Variants in LATS2 observed in about 807,000 individuals in gnomAD.
LATS2 encodes large tumor suppressor kinase 2, also known as serine/threonine-protein kinase LATS2.
A neutral mutation model predicts 76.0 loss-of-function variants in LATS2; 24 were observed. The ratio of observed to expected loss-of-function variants is 0.32; its 90% CI spans 0.23 to 0.44. The LOEUF (loss-of-function observed/expected upper bound fraction) is 0.44, where lower values mean the gene tolerates loss of function less well. LATS2 is among the 20% of genes least tolerant of loss of function. The pLI is 1.00. For synonymous variants in LATS2, 692 were observed against 635.4 expected (o/e 1.09, Z -1.34); for missense variants, 1,286 against 1,481.2 (o/e 0.87, Z 2.16).
chr13:20,993,182 T>G lies in LATS2; in HGVS notation c.343-1778A>C, dbSNP rs1471420792. 2.0e-5 allele frequency among the ~76,000 whole-genome samples: 3 copies of G among 151,850 alleles called. No homozygotes were observed. The East Asian group carries it at 5.8e-4, about 29-fold the overall frequency. On this transcript the variant is annotated intron_variant, in intron 2 of 7. Coordinates refer to ENST00000382592, the MANE Select transcript of LATS2 (RefSeq NM_014572.3). ...CCGCAGAGAGAGATGCAGCACTGAG[T>G]GTCCCCCACCTCTGGATAGGGCATT...
chr13:21,041,969 C>T (rs866424790), intron 2 of LATS2, among the ~76,000 whole-genome samples: 3 of 152,162 alleles, frequency 2.0e-5, no homozygotes, highest in South Asian at 2.1e-4. Flanking sequence ...CCCAGGCTTC[C>T]GCAGAACAGA....
Position 20,991,505 on chromosome 13 carries a change from G to A in LATS2, c.343-101C>T, listed in dbSNP as rs777392012. Reference sequence around the variant, plus strand: ...GTGCTGGACTGTGCTGGGACACTTCGCCTCTGTACTGCTGAGAACCTGCGA... The same window carrying A: ...GTGCTGGACTGTGCTGGGACACTTCACCTCTGTACTGCTGAGAACCTGCGA... On this transcript the variant is annotated intron_variant, in intron 2 of 7. Coordinates refer to ENST00000382592, the MANE Select transcript of LATS2 (RefSeq NM_014572.3). The surrounding 1 kb of genome is among the most constrained non-coding windows in gnomAD (Gnocchi z 4.9). The A allele has an allele frequency of 2.1e-5, 29 of 1,350,536 alleles. No homozygotes were observed. Among genetic ancestry groups the A allele is most frequent in the Non-Finnish European group, 2.6e-5 (25 of 966,840 alleles). 83.7% of individuals were successfully genotyped at this position (1,350,536 alleles called of 1,614,324 possible).
chr13:21,021,476 A>G (rs1331658234), intron 2 of LATS2, among the ~76,000 whole-genome samples: 1 of 106,372 alleles, frequency 9.4e-6, no homozygotes, highest in Non-Finnish European at 1.7e-5. Context: ...CTCTGTCTCA[A>G]AAAAAAAAAA....
chr13:21,032,923 A>C (rs974059189), intron 2 of LATS2, among the ~76,000 whole-genome samples: 1 of 152,098 alleles, frequency 6.6e-6, no homozygotes, highest in Non-Finnish European at 1.5e-5. Flanking sequence ...GTGGCAGGGG[A>C]GGTGCAGAGG....
At chr13:20,987,602 A>G (rs1422656063) in intron 4 of LATS2, among the ~76,000 whole-genome samples, 1 of 152,196 alleles carries the variant, frequency 6.6e-6, no homozygotes, top group Non-Finnish European at 1.5e-5. Context: ...TTAATTTGCT[A>G]ATTTACCTAC....
Position 20,975,193 on chromosome 13 carries a change from T to C in LATS2, c.2944A>G (p.Ile982Val). ...FFSAIDFSSD[I>V]RKQPAPYVPT... The stretch of plus-strand genomic sequence containing the variant: ...ACGTAGGGGGCTGGCTGCTTCCGGA[T>C]GTCACTGGAGAAGTCAATGGCGCTG... Residue 982 changes from isoleucine (I) to valine (V), a missense_variant, in exon 8 of 8, where the codon ATC (isoleucine) becomes GTC (valine). Coordinates refer to ENST00000382592, the MANE Select transcript of LATS2 (RefSeq NM_014572.3). 1 of 1,614,190 alleles carries C rather than the reference T, an allele frequency of 6.2e-7. No homozygotes were observed. Among genetic ancestry groups the C allele is most frequent in the Non-Finnish European group, 8.5e-7 (1 of 1,180,028 alleles).
At position 20,988,880 on chromosome 13, in the gene LATS2, G is replaced by A. The variant is rs762614289; in HGVS notation, c.900C>T (p.Ala300=). The change falls in exon 4 of 8, where the codon GCC becomes GCT. Residue 300 remains alanine (A), a synonymous_variant. Coordinates refer to ENST00000382592, the MANE Select transcript of LATS2 (RefSeq NM_014572.3). Reference sequence around the variant, plus strand: ...CGGCAGGGGGTGGGAAAGCGAGGCCGGCGCCTGGCGGTCCTCCCTGGCCCT... The same window carrying A: ...CGGCAGGGGGTGGGAAAGCGAGGCCAGCGCCTGGCGGTCCTCCCTGGCCCT... ...PTKGQGGPPG[A]GLAFPPPAAG... 1.2e-5 allele frequency: 18 copies of A among 1,553,738 alleles called. No individual in the cohort carries two copies. The highest frequency in any genetic ancestry group is 1.9e-5 in the Admixed American group (1 of 52,410).
At chr13:21,026,724 G>A (rs562373227) in intron 2 of LATS2, among the ~76,000 whole-genome samples, 2 of 152,268 alleles carry the variant, frequency 1.3e-5, no homozygotes, top group South Asian at 2.1e-4. Flanking sequence ...GGAAGACAGA[G>A]GCAAGAGGAT....
Position 20,991,138 on chromosome 13 carries a change from G to C in LATS2, c.475+134C>G. The C allele has an allele frequency of 1.7e-6, 2 of 1,151,162 alleles. No individual in the cohort carries two copies. The allele number at this position is 1,151,162 out of a possible 1,614,324, so 71.3% of individuals were successfully genotyped here. On this transcript the variant is annotated intron_variant, in intron 3 of 7. Transcript: ENST00000382592. The surrounding 1 kb of genome is among the most constrained non-coding windows in gnomAD (Gnocchi z 4.9). ...AGGGCAGGGCAGGCTCAGCTTGCCTGTTAACTGAATGAGGCAATGTGCCAG... is the reference window on the plus strand; with the variant it reads ...AGGGCAGGGCAGGCTCAGCTTGCCTCTTAACTGAATGAGGCAATGTGCCAG...
intron 2 of LATS2, among the ~76,000 whole-genome samples, chr13:20,994,933 T>C (rs2138304235): frequency 6.6e-6 from 1 of 152,128 alleles, no homozygotes. Context: ...TTATCTAGAA[T>C]CGTAGGTGGC....
At chr13:20,996,864 T>C (rs987159960) in intron 2 of LATS2, among the ~76,000 whole-genome samples, 1 of 152,246 alleles carries the variant, frequency 6.6e-6, no homozygotes, top group Non-Finnish European at 1.5e-5. Context: ...CTCTGGGCTA[T>C]TCTTGCAGAT....
intron 2 of LATS2, among the ~76,000 whole-genome samples, chr13:21,040,803 A>G (rs1404420133): frequency 6.6e-6 from 1 of 152,124 alleles, no homozygotes. Context: ...AGGGACCCTG[A>G]TAAACTCCAT....
chr13:21,032,046 C>T (rs1002814705), intron 2 of LATS2, among the ~76,000 whole-genome samples: 5 of 152,166 alleles, frequency 3.3e-5, no homozygotes, highest in African/African-American at 9.7e-5. Context: ...ACATCTGGTT[C>T]CTCCTGGTGC....
chr13:21,006,891 A>G (rs1323205404), intron 2 of LATS2, among the ~76,000 whole-genome samples: 2 of 152,186 alleles, frequency 1.3e-5, no homozygotes, highest in African/African-American at 2.4e-5. Context: ...TGCCCAGGGA[A>G]AGGGACATTT....
chr13:21,004,327 G>A (rs533153455), intron 2 of LATS2, among the ~76,000 whole-genome samples: 5 of 152,106 alleles, frequency 3.3e-5, no homozygotes, highest in East Asian at 1.9e-4. Context: ...CCAGCTACTC[G>A]GGAGGCTGAG....
chr13:21,028,170 A>G (rs1026284724), intron 2 of LATS2, among the ~76,000 whole-genome samples: 1 of 152,080 alleles, frequency 6.6e-6, no homozygotes, highest in South Asian at 2.1e-4. Flanking sequence ...ATGAGTGAGA[A>G]CATGCGGTGT....
intron 1 of LATS2, among the ~76,000 whole-genome samples, chr13:21,058,282 C>T (rs1873510993): frequency 6.6e-6 from 1 of 152,168 alleles, no homozygotes. Context: ...ATTTTAACTA[C>T]AAAATAAAAT....
rs1424198888 is a variant in LATS2 at position 20,983,342 on chromosome 13, G to A, written c.2364C>T (p.Ile788=). ...AIESVHKMGF[I]HRDIKPDNIL... is the part of the protein sequence containing the mutation. ...TGTTATCAGGCTTGATGTCTCGGTGGATGAAGCCCATCTTGTGGACACTCT... is the reference window on the plus strand; with the variant it reads ...TGTTATCAGGCTTGATGTCTCGGTGAATGAAGCCCATCTTGTGGACACTCT... Residue 788 remains isoleucine (I), a synonymous_variant, in exon 5 of 8, where the codon ATC becomes ATT. Coordinates refer to ENST00000382592, the MANE Select transcript of LATS2 (RefSeq NM_014572.3). 6 of 1,613,760 alleles carry A rather than the reference G, an allele frequency of 3.7e-6. No individual in the cohort carries two copies. The South Asian group carries it at 6.6e-5, about 18-fold the overall frequency.
intron 2 of LATS2, among the ~76,000 whole-genome samples, chr13:21,009,025 A>G (rs1389475307): frequency 2.0e-5 from 3 of 152,362 alleles, no homozygotes; most frequent in Admixed American, 2.0e-4. Flanking sequence ...AACAAGGCCC[A>G]GGTTGTTCGT....
Sources: allele counts gnomAD v4.1 joint callset (sites outside exome capture counted in the v4.1 genomes callset), GRCh38; gene constraint gnomAD v4.1.1; non-coding constraint Gnocchi (gnomAD v3.1); transcripts MANE v1.5; gene names NCBI Gene and HGNC (gene_info 2026-07-23, HGNC 2026-07-21).